TENM3: variants seen among roughly 807,000 people sequenced by gnomAD.
The protein encoded by TENM3 is teneurin-3.
TENM3 carries 63 observed loss-of-function variants against 255.1 expected under a neutral mutation model. The observed-to-expected ratio is 0.25, with a 90% CI of 0.20 to 0.30. The LOEUF (loss-of-function observed/expected upper bound fraction) is 0.30, where lower values mean the gene tolerates loss of function less well. Ranked by LOEUF, TENM3 falls within the 10% of genes least tolerant of loss-of-function variation. The pLI, the probability that TENM3 is intolerant of heterozygous loss-of-function variation, is 1.00. For synonymous variants in TENM3, 1,306 were observed against 1,322.3 expected, an observed-to-expected ratio of 0.99 and a Z score of 0.27; for missense variants, 2,929 against 3,461.1, an observed-to-expected ratio of 0.85 and a Z score of 3.86.
intron 5 of TENM3, among the ~76,000 whole-genome samples, chr4:182,639,934 C>T (rs1170286135): frequency 1.3e-5 from 2 of 151,896 alleles, no homozygotes; most frequent in Non-Finnish European, 2.9e-5. Context: ...TGCTAAAATA[C>T]AAAAAATTAG....
At chr4:181,882,257 G>A in the TENM3 span, among the ~76,000 whole-genome samples, 1 of 152,174 alleles carries the variant, frequency 6.6e-6, no homozygotes, top group South Asian at 2.1e-4. Flanking sequence ...AAAATGAGAA[G>A]CAAATGGATT....
chr4:182,800,182 A>G lies in TENM3; in HGVS notation c.7931A>G (p.Glu2644Gly). Residue 2644 changes from glutamate (E) to glycine (G), a missense_variant, in exon 28 of 28, where the codon GAG becomes GGG. Glu to Gly is a moderately conservative substitution (Grantham distance 98, BLOSUM62 -2). This residue lies in a region of TENM3 where 476 missense variants were observed against 480.1 expected (regional missense o/e 0.99). Coordinates refer to ENST00000511685, the MANE Select transcript of TENM3 (RefSeq NM_001080477.4). ...AREQQRVRDG[E>G]EGARLWTEGE... ...GAGCAGCAGCGCGTGCGCGACGGCG[A>G]GGAGGGCGCGCGCCTCTGGACGGAG... 1.3e-6 allele frequency: 2 copies of G among 1,536,520 alleles called. No individual in the cohort carries two copies. The highest frequency in any genetic ancestry group is 8.7e-7 in the Non-Finnish European group (1 of 1,151,172).
the TENM3 span, among the ~76,000 whole-genome samples, chr4:182,033,907 T>C: frequency 2.6e-5 from 4 of 152,224 alleles, no homozygotes; most frequent in African/African-American, 9.6e-5. Flanking sequence ...CCTCTATCCC[T>C]TTCTTTTAAG....
chr4:181,459,711 A>G, the TENM3 span, among the ~76,000 whole-genome samples: 64,573 of 151,618 alleles, frequency 0.43, 14,337 homozygotes, highest in Non-Finnish European at 0.49. Flanking sequence ...CCAACATCAC[A>G]TCACCATAGT....
At chr4:182,570,362 G>A (rs1011625154) in intron 3 of TENM3, among the ~76,000 whole-genome samples, 3 of 152,112 alleles carry the variant, frequency 2.0e-5, no homozygotes, top group African/African-American at 7.2e-5. Context: ...GATTTGCAAG[G>A]GGAATAGGAA....
chr4:182,417,323 A>G (rs1770462118), intron 3 of TENM3, among the ~76,000 whole-genome samples: 1 of 152,036 alleles, frequency 6.6e-6, no homozygotes, highest in African/African-American at 2.4e-5. Context: ...TAGCAATTAC[A>G]TTTTGGACCT....
At chr4:181,941,864 G>A in the TENM3 span, among the ~76,000 whole-genome samples, 1 of 152,192 alleles carries the variant, frequency 6.6e-6, no homozygotes, top group Non-Finnish European at 1.5e-5. Context: ...ATTGGAATGA[G>A]ATTGTCCATA....
chr4:182,473,360 G>A (rs555721646), intron 3 of TENM3, among the ~76,000 whole-genome samples: 13 of 152,238 alleles, frequency 8.5e-5, no homozygotes, highest in Admixed American at 2.6e-4. Flanking sequence ...AAACATGTAC[G>A]CTCTAATAAA....
chr4:182,099,949 C>T, the TENM3 span, among the ~76,000 whole-genome samples: 4 of 152,126 alleles, frequency 2.6e-5, no homozygotes, highest in Non-Finnish European at 4.4e-5. Flanking sequence ...TAGAGCAGGG[C>T]TCAGCACTTC....
chr4:181,668,697 A>G, the TENM3 span, among the ~76,000 whole-genome samples: 5 of 152,052 alleles, frequency 3.3e-5, no homozygotes, highest in Non-Finnish European at 2.9e-5. Context: ...TTACTTGCAA[A>G]TAAGGTTCCA....
the TENM3 span, among the ~76,000 whole-genome samples, chr4:181,816,993 T>TTGCCC: frequency 6.6e-6 from 1 of 152,200 alleles, no homozygotes; most frequent in Admixed American, 6.5e-5. Context: ...TGCAAAAGGT[T>TTGCCC]AAGCATCTTG....
the TENM3 span, among the ~76,000 whole-genome samples, chr4:182,062,266 G>A: frequency 6.6e-6 from 1 of 152,138 alleles, no homozygotes; most frequent in African/African-American, 2.4e-5. Flanking sequence ...ACTATGCAAA[G>A]AGGACAAGCC....
the TENM3 span, among the ~76,000 whole-genome samples, chr4:181,775,580 A>C: frequency 1.3e-5 from 2 of 152,248 alleles, no homozygotes; most frequent in Admixed American, 1.3e-4. Flanking sequence ...TTTTCTACTA[A>C]GTTATTAAAT....
At chr4:182,769,260 G>T (rs1763971940) in intron 22 of TENM3, among the ~76,000 whole-genome samples, 1 of 152,140 alleles carries the variant, frequency 6.6e-6, no homozygotes, top group African/African-American at 2.4e-5. Context: ...AGAAGAGTTA[G>T]CCTGATGTTT....
At chr4:181,568,489 C>T in the TENM3 span, among the ~76,000 whole-genome samples, 15 of 152,006 alleles carry the variant, frequency 9.9e-5, no homozygotes, top group African/African-American at 2.4e-4. Flanking sequence ...TACACCTGGC[C>T]GCCAACTATG....
At chr4:182,728,720 G>A (rs540147133) in intron 13 of TENM3, among the ~76,000 whole-genome samples, 6 of 152,176 alleles carry the variant, frequency 3.9e-5, no homozygotes, top group Admixed American at 1.3e-4. Flanking sequence ...AAAAGGTACC[G>A]TAAAAATACA....
intron 1 of TENM3, among the ~76,000 whole-genome samples, chr4:182,171,551 A>G (rs1752105915): frequency 6.6e-6 from 1 of 151,906 alleles, no homozygotes; most frequent in Admixed American, 6.6e-5. Flanking sequence ...GTAACCTGGA[A>G]CTCCTGGGCT....
At chr4:182,118,443 T>C in the TENM3 span, among the ~76,000 whole-genome samples, 1 of 151,758 alleles carries the variant, frequency 6.6e-6, no homozygotes, top group Non-Finnish European at 1.5e-5. Flanking sequence ...TTTTAAATTT[T>C]ATTTTTTATT....
At chr4:182,096,604 G>A in the TENM3 span, among the ~76,000 whole-genome samples, 1 of 152,142 alleles carries the variant, frequency 6.6e-6, no homozygotes, top group Non-Finnish European at 1.5e-5. Flanking sequence ...CAGATATTGC[G>A]CATCCTTTAC....
Sources: gnomAD v4.1 joint callset for allele counts (sites outside exome capture counted in the v4.1 genomes callset) on GRCh38, gnomAD v4.1.1 for gene constraint, gnomAD v4.1.1 regional missense constraint, MANE v1.5 for transcripts, NCBI Gene and HGNC (gene_info 2026-07-23, HGNC 2026-07-21) for gene names.